Variants in BICC1 observed in about 807,000 individuals in gnomAD.
The protein encoded by BICC1 is BicC family RNA binding protein 1.
A neutral mutation model predicts 111.0 loss-of-function variants in BICC1; 43 were observed. The ratio of observed to expected loss-of-function variants is 0.39; its 90% CI spans 0.30 to 0.50. The LOEUF (loss-of-function observed/expected upper bound fraction) is 0.50. Among genes scored for constraint, BICC1 ranks in the 20% least tolerant of loss-of-function variants. The probability of loss-of-function intolerance (pLI) is 0.88; values close to 1 mark genes in which losing one functional copy is unlikely to be tolerated. For missense variants in BICC1, 1,091 were observed against 1,203.2 expected (o/e 0.91, Z 1.38); for synonymous variants, 467 against 434.4 (o/e 1.07, Z -0.93).
chr10:58,750,858 G>A (rs943428743), intron 3 of BICC1, among the ~76,000 whole-genome samples: 1 of 152,112 alleles, frequency 6.6e-6, no homozygotes, highest in Non-Finnish European at 1.5e-5. Flanking sequence ...CTCTCTTGAA[G>A]CCACGAATAT....
chr10:58,566,289 C>CAT (rs3075400), intron 1 of BICC1, among the ~76,000 whole-genome samples: 1,996 of 151,632 alleles, frequency 0.013, 35 homozygotes, highest in African/African-American at 0.044. Context: ...TAGATACAAA[C>CAT]ATGTACACAC....
chr10:58,754,890 T>C (rs1185293727), intron 3 of BICC1, among the ~76,000 whole-genome samples: 1 of 152,162 alleles, frequency 6.6e-6, no homozygotes, highest in Non-Finnish European at 1.5e-5. Context: ...TGTAGCATCC[T>C]TAATGCCATT....
At chr10:58,584,657 C>T (rs1475030826) in intron 1 of BICC1, among the ~76,000 whole-genome samples, 1 of 152,094 alleles carries the variant, frequency 6.6e-6, no homozygotes, top group South Asian at 2.1e-4. Context: ...ATTTGTTTCT[C>T]AGTGGAGTGT....
At chr10:58,622,910 T>C (rs1214159852) in intron 2 of BICC1, among the ~76,000 whole-genome samples, 1 of 152,226 alleles carries the variant, frequency 6.6e-6, no homozygotes, top group Non-Finnish European at 1.5e-5. Context: ...TTTTTCTCTC[T>C]CTAAAATAAT....
At chr10:58,737,664 G>T (rs867074506) in intron 3 of BICC1, among the ~76,000 whole-genome samples, 8 of 152,158 alleles carry the variant, frequency 5.3e-5, no homozygotes, top group Non-Finnish European at 7.3e-5. Context: ...GATCCCTGAG[G>T]AATCGCCACA....
chr10:58,550,121 T>C (rs2131910949), intron 1 of BICC1, among the ~76,000 whole-genome samples: 1 of 152,224 alleles, frequency 6.6e-6, no homozygotes, highest in South Asian at 2.1e-4. Context: ...GCTCAAGTAA[T>C]CCTCCACCTC....
chr10:58,607,739 G>C lies in BICC1; in HGVS notation c.191-13116G>C, dbSNP rs140418224. Among the ~76,000 whole-genome samples, 19 of 152,220 alleles carry C rather than the reference G, an allele frequency of 1.2e-4. No individual in the cohort carries two copies. In the East Asian group the frequency reaches 3.5e-3, roughly 28 times the overall value. On this transcript the variant is annotated intron_variant, in intron 1 of 20. Coordinates refer to ENST00000373886, the MANE Select transcript of BICC1 (RefSeq NM_001080512.3). ...AACTGTTTCTGCTTTGGTGTGATTT[G>C]TTGACTGGTCCTCACCAGCAAGGGA...
chr10:58,747,796 T>G (rs752758016), intron 3 of BICC1, among the ~76,000 whole-genome samples: 1 of 152,188 alleles, frequency 6.6e-6, no homozygotes, highest in Non-Finnish European at 1.5e-5. Context: ...GTTAGCTCTC[T>G]TGCTTTCATC....
intron 1 of BICC1, among the ~76,000 whole-genome samples, chr10:58,529,942 C>T (rs1435021861): frequency 6.6e-6 from 1 of 151,444 alleles, no homozygotes; most frequent in Non-Finnish European, 1.5e-5. Context: ...AAATGATTAG[C>T]TTTCAAGCTT....
intron 2 of BICC1, among the ~76,000 whole-genome samples, chr10:58,627,940 G>A (rs1356706756): frequency 6.6e-6 from 1 of 152,052 alleles, no homozygotes. Flanking sequence ...TATTATGTAG[G>A]CATTAAAAAT....
intron 8 of BICC1, among the ~76,000 whole-genome samples, chr10:58,793,065 C>T (rs1054353790): frequency 6.6e-6 from 1 of 152,156 alleles, no homozygotes; most frequent in Admixed American, 6.5e-5. Context: ...TCTTTAAATG[C>T]TCGATCATGT....
chr10:58,798,604 G>A (rs779530638), intron 11 of BICC1, 44 bp downstream of exon 11: 13 of 1,438,334 alleles, frequency 9.0e-6, no homozygotes, highest in Middle Eastern at 1.8e-4. Flanking sequence ...ATTCTTAGGT[G>A]TTACCAGTTT....
rs182377517 is a variant in BICC1, at chr10:58,752,148, A to C, written c.308-32853A>C. On this transcript the variant is annotated intron_variant, in intron 3 of 20. Coordinates refer to ENST00000373886, the MANE Select transcript of BICC1 (RefSeq NM_001080512.3). ...AAACAAAGAGCAAACCCACTTTGCT[A>C]TAATTATATTGCTGAATCTAAAGGA... Among the ~76,000 whole-genome samples, 13 of 152,278 alleles carry C rather than the reference A, an allele frequency of 8.5e-5. No homozygotes were observed. The East Asian group carries it at 2.3e-3, about 27-fold the overall frequency.
chr10:58,601,878 A>G (rs1016168102), intron 1 of BICC1, among the ~76,000 whole-genome samples: 1 of 152,116 alleles, frequency 6.6e-6, no homozygotes, highest in African/African-American at 2.4e-5. Flanking sequence ...TTATTTTCAA[A>G]TCTTTCTCGA....
intron 3 of BICC1, among the ~76,000 whole-genome samples, chr10:58,726,185 C>T (rs1232616975): frequency 6.6e-6 from 1 of 152,028 alleles, no homozygotes; most frequent in African/African-American, 2.4e-5. Context: ...AAAATGAGAC[C>T]AGATAAGCAT....
intron 2 of BICC1, among the ~76,000 whole-genome samples, chr10:58,684,937 C>T (rs1340667947): frequency 1.3e-5 from 2 of 152,058 alleles, no homozygotes; most frequent in African/African-American, 2.4e-5. Context: ...GTTCTTGCTT[C>T]TCTAGTTCTT....
At position 58,774,880 on chromosome 10, in the gene BICC1, A is replaced by G. The variant is rs573388927; in HGVS notation, c.308-10121A>G. 2.0e-5 allele frequency among the ~76,000 whole-genome samples: 3 copies of G among 152,296 alleles called. No individual in the cohort carries two copies. The South Asian group carries it at 6.2e-4, about 32-fold the overall frequency. On this transcript the variant is annotated intron_variant, in intron 3 of 20. Coordinates refer to ENST00000373886, the MANE Select transcript of BICC1 (RefSeq NM_001080512.3). ...ATCCATGTCTTTTGCCCATTTCCTTAAGGGACAATTAGTATTTTTTAAAAT... is the reference window on the plus strand; with the variant it reads ...ATCCATGTCTTTTGCCCATTTCCTTGAGGGACAATTAGTATTTTTTAAAAT...
chr10:58,617,522 C>T (rs535769839), intron 1 of BICC1, among the ~76,000 whole-genome samples: 4 of 152,222 alleles, frequency 2.6e-5, no homozygotes, highest in African/African-American at 4.8e-5. Flanking sequence ...GCATGGTATA[C>T]GAATGGGTCT....
chr10:58,671,601 G>T (rs890515775), intron 2 of BICC1, among the ~76,000 whole-genome samples: 1 of 152,090 alleles, frequency 6.6e-6, no homozygotes, highest in Non-Finnish European at 1.5e-5. Flanking sequence ...TTCCAATTGG[G>T]ACAAATTGGA....
Sources: gnomAD v4.1 joint callset for allele counts (sites outside exome capture counted in the v4.1 genomes callset) on GRCh38, gnomAD v4.1.1 for gene constraint, MANE v1.5 for transcripts, NCBI Gene and HGNC (gene_info 2026-07-23, HGNC 2026-07-21) for gene names.